SHLD1: variants seen among roughly 807,000 people sequenced by gnomAD.
SHLD1 encodes RINN1-REV7-interacting novel NHEJ regulator 3.
SHLD1 carries 3 observed loss-of-function variants against 5.5 expected under a neutral mutation model. That is an observed-to-expected ratio of 0.54 (90% CI 0.25 to 1.40). The LOEUF (loss-of-function observed/expected upper bound fraction) is 1.40. Ranked by LOEUF, SHLD1 falls within the 40% of genes most tolerant of loss-of-function variation. SHLD1 has a pLI of 0.15. For missense variants in SHLD1, 210 were observed against 244.4 expected (o/e 0.86, Z 0.94); for synonymous variants, 92 against 94.3 (o/e 0.98, Z 0.14).
At chr20:5,790,057 G>A (rs1180347854) in intron 2 of SHLD1, among the ~76,000 whole-genome samples, 1 of 152,190 alleles carries the variant, frequency 6.6e-6, no homozygotes, top group Non-Finnish European at 1.5e-5. Flanking sequence ...GCATGCACAT[G>A]TGGGAGGATT....
chr20:5,757,149 C>A (rs1348819642), intron 1 of SHLD1, among the ~76,000 whole-genome samples: 2 of 144,890 alleles, frequency 1.4e-5, no homozygotes, highest in East Asian at 4.1e-4. Flanking sequence ...TGGCTCACTG[C>A]AACCTCTGCC....
intron 2 of SHLD1, among the ~76,000 whole-genome samples, chr20:5,807,462 C>A (rs1430748740): frequency 6.6e-6 from 1 of 151,888 alleles, no homozygotes; most frequent in Admixed American, 6.6e-5. Context: ...CCTTGAACTC[C>A]TGGGCTCAAG....
intron 2 of SHLD1, among the ~76,000 whole-genome samples, chr20:5,796,097 A>G (rs976931608): frequency 2.0e-5 from 3 of 152,200 alleles, no homozygotes; most frequent in Admixed American, 6.6e-5. Flanking sequence ...TGTTGAAGCT[A>G]TTACATTCTG....
intron 2 of SHLD1, among the ~76,000 whole-genome samples, chr20:5,813,945 CTTTTTTTTTTT>C (rs143110037): frequency 5.0e-5 from 4 of 79,994 alleles, no homozygotes; most frequent in African/African-American, 1.4e-4. Flanking sequence ...CCTTTTCTTT[CTTTTTTTTTTT>C]TTTTTTTTTT....
chr20:5,854,466 A>C (rs2088055525), intron 2 of SHLD1, among the ~76,000 whole-genome samples: 1 of 152,130 alleles, frequency 6.6e-6, no homozygotes, highest in African/African-American at 2.4e-5. Flanking sequence ...TGCTATGATA[A>C]AATTGTGTTC....
chr20:5,863,391 A>G lies in SHLD1; in HGVS notation c.546A>G (p.Glu182=), dbSNP rs1465069663. 1 of 1,613,986 alleles carries G rather than the reference A, an allele frequency of 6.2e-7. No homozygotes were observed. The highest frequency in any genetic ancestry group is 1.3e-5 in the African/African-American group (1 of 74,922). Residue 182 remains glutamate, a synonymous_variant, in exon 3 of 3, where the codon GAA becomes GAG. Coordinates refer to ENST00000303142, the MANE Select transcript of SHLD1 (RefSeq NM_152504.4). ...AAGGAAGTACATCTTTGGATGATGA[A>G]AAGCCAAACCCAGGACTGTCAAAGG... ...LEEGSTSLDD[E]KPNPGLSKDI...
Position 5,855,976 on chromosome 20 carries a change from CA to C in SHLD1, c.179-7046del, listed in dbSNP as rs2088078105. Reference sequence around the variant, plus strand: ...TTTTTCCTCTGCTATAGTCACTAGGCAATGTTGAGATAGTAGCTGCTCTGTT... The same window carrying C: ...TTTTTCCTCTGCTATAGTCACTAGGCATGTTGAGATAGTAGCTGCTCTGTT... On this transcript the variant is annotated intron_variant, in intron 2 of 2. Coordinates refer to ENST00000303142, the MANE Select transcript of SHLD1 (RefSeq NM_152504.4). The surrounding 1 kb of genome is among the most constrained non-coding windows in gnomAD (Gnocchi z 4.4). Among the ~76,000 whole-genome samples the C allele has an allele frequency of 1.3e-5, 2 of 152,142 alleles. No homozygotes were observed. The highest frequency in any genetic ancestry group is 6.5e-5 in the Admixed American group (1 of 15,278).
chr20:5,769,383 C>A (rs903841113), intron 1 of SHLD1, among the ~76,000 whole-genome samples: 8 of 152,180 alleles, frequency 5.3e-5, no homozygotes, highest in African/African-American at 1.7e-4. Context: ...ACAGGGTAAA[C>A]AAATACTGAG....
chr20:5,768,174 A>G (rs1362463271), intron 1 of SHLD1, among the ~76,000 whole-genome samples: 1 of 152,088 alleles, frequency 6.6e-6, no homozygotes, highest in Non-Finnish European at 1.5e-5. Flanking sequence ...AGGTTTCACC[A>G]TGTTGGCCAG....
intron 2 of SHLD1, among the ~76,000 whole-genome samples, chr20:5,845,930 C>T (rs2087927873): frequency 6.6e-6 from 1 of 152,272 alleles, no homozygotes; most frequent in Admixed American, 6.5e-5. Context: ...TCGGCTGTAT[C>T]AGTACATTCT....
chr20:5,828,356 T>TAAA (rs1218086355), intron 2 of SHLD1, among the ~76,000 whole-genome samples: 1 of 152,218 alleles, frequency 6.6e-6, no homozygotes, highest in Non-Finnish European at 1.5e-5. Context: ...GTTGAATGAA[T>TAAA]AAATATGTTG....
Position 5,773,025 on chromosome 20 carries a change from T to G in SHLD1, c.160T>G (p.Ser54Ala). The G allele has an allele frequency of 6.2e-7, 1 of 1,614,228 alleles. No individual in the cohort carries two copies. Among genetic ancestry groups the G allele is most frequent in the Non-Finnish European group, 8.5e-7 (1 of 1,180,034 alleles). ...TTTGGAATTCCATTCTTTTCCTTAT[T>G]CTTCTGATGTGGATCCAGGTAATAA... ...SSLEFHSFPY[S>A]SDVDPDTSNL... The change falls in exon 2 of 3, where the codon TCT (serine) becomes GCT (alanine). Residue 54 changes from serine to alanine, a missense_variant. Physicochemically the swap from Ser to Ala is moderately conservative, Grantham distance 99 (BLOSUM62 1). Transcript: ENST00000303142.
In SHLD1 at chr20:5,855,360, A is replaced by T. The variant is rs1360613619; in HGVS notation, c.179-7664A>T. On this transcript the variant is annotated intron_variant, in intron 2 of 2. Transcript: ENST00000303142. This position sits in a 1 kb window ranked among gnomAD's most constrained non-coding sequence, Gnocchi z 4.4. Reference sequence around the variant, plus strand: ...AATATTTCATTGTGTGCACATACTAACACATTTTGTTTTATTTTGTTTTAT... The same window carrying T: ...AATATTTCATTGTGTGCACATACTATCACATTTTGTTTTATTTTGTTTTAT... 6.6e-6 allele frequency among the ~76,000 whole-genome samples: 1 copy of T among 152,008 alleles called. No homozygotes were observed. Among genetic ancestry groups the T allele is most frequent in the Non-Finnish European group, 1.5e-5 (1 of 68,004 alleles).
chr20:5,837,263 C>A (rs1466807787), intron 2 of SHLD1, among the ~76,000 whole-genome samples: 3 of 152,220 alleles, frequency 2.0e-5, no homozygotes, highest in African/African-American at 7.2e-5. Flanking sequence ...CTCCGCCCAC[C>A]ACCTGCAATA....
At chr20:5,755,449 A>C (rs941408143) in intron 1 of SHLD1, among the ~76,000 whole-genome samples, 7 of 152,166 alleles carry the variant, frequency 4.6e-5, no homozygotes, top group African/African-American at 1.7e-4. Context: ...GTTTCATCCC[A>C]AAACCGTCCC....
intron 1 of SHLD1, among the ~76,000 whole-genome samples, chr20:5,767,172 T>C (rs1425481366): frequency 6.6e-6 from 1 of 151,954 alleles, no homozygotes; most frequent in Non-Finnish European, 1.5e-5. Context: ...TCTCGCTCTG[T>C]CACCCAAGCT....
chr20:5,790,003 G>T (rs968335102), intron 2 of SHLD1, among the ~76,000 whole-genome samples: 2 of 152,156 alleles, frequency 1.3e-5, no homozygotes, highest in African/African-American at 4.8e-5. Flanking sequence ...ACCTTCAGAG[G>T]GCCTGGGACT....
At chr20:5,786,302 T>G (rs11700133) in intron 2 of SHLD1, among the ~76,000 whole-genome samples, 1 of 152,102 alleles carries the variant, frequency 6.6e-6, no homozygotes, top group South Asian at 2.1e-4. Flanking sequence ...TCTGGCTGGG[T>G]GCAGTGGCTC....
intron 2 of SHLD1, among the ~76,000 whole-genome samples, chr20:5,847,928 G>A (rs1348321660): frequency 1.3e-5 from 2 of 152,126 alleles, no homozygotes; most frequent in East Asian, 1.9e-4. Flanking sequence ...TGCACAAGGC[G>A]GTATTTATCA....
Sources: allele counts gnomAD v4.1 joint callset (sites outside exome capture counted in the v4.1 genomes callset), GRCh38; gene constraint gnomAD v4.1.1; non-coding constraint Gnocchi (gnomAD v3.1); transcripts MANE v1.5; gene names NCBI Gene and HGNC (gene_info 2026-07-23, HGNC 2026-07-21).